Variants in ABTB2 observed in about 807,000 individuals in gnomAD.
ABTB2 encodes ankyrin repeat and BTB domain containing 2, also known as ankyrin repeat and BTB/POZ domain-containing protein 2.
Under a neutral mutation model 104.1 loss-of-function variants are expected in ABTB2, and 56 were observed. The ratio of observed to expected loss-of-function variants is 0.54; its 90% CI spans 0.43 to 0.67. The LOEUF (loss-of-function observed/expected upper bound fraction) is 0.67. Among genes scored for constraint, ABTB2 ranks in the 30% least tolerant of loss-of-function variants. The probability of loss-of-function intolerance (pLI) is 0.00; values close to 1 mark genes in which losing one functional copy is unlikely to be tolerated. For missense variants in ABTB2, 1,279 were observed against 1,407.7 expected (o/e 0.91, Z 1.46); for synonymous variants, 606 against 608.2 (o/e 1.00, Z 0.05).
intron 1 of ABTB2, among the ~76,000 whole-genome samples, chr11:34,292,724 G>A (rs555278935): frequency 6.6e-6 from 1 of 152,172 alleles, no homozygotes; most frequent in Non-Finnish European, 1.5e-5. Context: ...GGGGAGTGGA[G>A]CTCCCTCATA....
At chr11:34,199,350 C>T (rs1026244889) in intron 2 of ABTB2, among the ~76,000 whole-genome samples, 2 of 152,158 alleles carry the variant, frequency 1.3e-5, no homozygotes, top group Non-Finnish European at 2.9e-5. Context: ...CTCATCCATA[C>T]CGTTGGAGTT....
At chr11:34,172,395 A>AAAATAT (rs1554980662) in intron 4 of ABTB2, among the ~76,000 whole-genome samples, 14 of 29,046 alleles carry the variant, frequency 4.8e-4, no homozygotes, top group African/African-American at 9.8e-4. Flanking sequence ...AAAAAAAAAA[A>AAAATAT]ATATATATAT....
intron 3 of ABTB2, among the ~76,000 whole-genome samples, chr11:34,193,546 C>T (rs1269785199): frequency 6.6e-6 from 1 of 152,246 alleles, no homozygotes; most frequent in African/African-American, 2.4e-5. Context: ...CCTGGCCTCG[C>T]CACTTATCAG....
Position 34,170,998 on chromosome 11 carries a change from C to T in ABTB2, c.1471G>A (p.Gly491Ser), listed in dbSNP as rs1278994667. The T allele has an allele frequency of 6.2e-7, 1 of 1,614,146 alleles. No homozygotes were observed. Among genetic ancestry groups the T allele is most frequent in the Admixed American group, 1.7e-5 (1 of 60,022 alleles). Residue 491 changes from glycine (G) to serine (S), a missense_variant, in exon 5 of 17, where the codon GGT becomes AGT. By Grantham distance (56) the Gly-to-Ser change is moderately conservative. Transcript: ENST00000435224. Reference sequence around the variant, plus strand: ...CTCCCACAGTTGAGCATGCGGAAACCCAGGTCCTGGTTGAATTTTTCAGTA... The same window carrying T: ...CTCCCACAGTTGAGCATGCGGAAACTCAGGTCCTGGTTGAATTTTTCAGTA... The part of the protein sequence containing the change: ...AATEKFNQDL[G>S]FRMLNCGRTD...
At chr11:34,256,693 G>A (rs1422624116) in intron 1 of ABTB2, among the ~76,000 whole-genome samples, 3 of 152,172 alleles carry the variant, frequency 2.0e-5, no homozygotes, top group African/African-American at 7.2e-5. Context: ...AACACTCAAG[G>A]CAAAATCACC....
At chr11:34,169,690 G>T (rs1852843798) in intron 5 of ABTB2, among the ~76,000 whole-genome samples, 1 of 151,810 alleles carries the variant, frequency 6.6e-6, no homozygotes, top group African/African-American at 2.4e-5. Flanking sequence ...CCTGTCACCT[G>T]CCACTGCCCT....
intron 1 of ABTB2, among the ~76,000 whole-genome samples, chr11:34,334,592 G>A (rs762717773): frequency 6.6e-6 from 1 of 152,106 alleles, no homozygotes; most frequent in Non-Finnish European, 1.5e-5. Context: ...AAAAGCTAGA[G>A]CCTTGGCAAC....
chr11:34,156,565 C>T (rs551871510), intron 14 of ABTB2, among the ~76,000 whole-genome samples: 4 of 151,852 alleles, frequency 2.6e-5, no homozygotes, highest in African/African-American at 4.8e-5. Context: ...CTCTTGTCGC[C>T]CAGGCTGGAG....
intron 3 of ABTB2, among the ~76,000 whole-genome samples, chr11:34,196,685 TA>T (rs538535615): frequency 3.3e-5 from 5 of 152,364 alleles, no homozygotes; most frequent in Admixed American, 3.3e-4. Flanking sequence ...TGCTCCCAGC[TA>T]GGAAAGTGTT....
At chr11:34,318,773 G>A (rs774495088) in intron 1 of ABTB2, among the ~76,000 whole-genome samples, 12 of 152,194 alleles carry the variant, frequency 7.9e-5, no homozygotes, top group Non-Finnish European at 1.6e-4. Flanking sequence ...GTTGGGAGGT[G>A]ACCCATAATG....
intron 1 of ABTB2, among the ~76,000 whole-genome samples, chr11:34,312,379 A>G (rs1356794644): frequency 6.6e-6 from 1 of 152,156 alleles, no homozygotes; most frequent in Non-Finnish European, 1.5e-5. Context: ...AAATTGGGCG[A>G]GTTTTCTGCA....
chr11:34,193,897 C>CAAA (rs1853214818), intron 3 of ABTB2, among the ~76,000 whole-genome samples: 3 of 152,152 alleles, frequency 2.0e-5, no homozygotes, highest in Non-Finnish European at 2.9e-5. Flanking sequence ...TGCTTCTGCC[C>CAAA]CTCCCTCCTC....
chr11:34,153,415 C>T (rs1852576122), intron 16 of ABTB2, among the ~76,000 whole-genome samples: 1 of 152,130 alleles, frequency 6.6e-6, no homozygotes, highest in South Asian at 2.1e-4. Flanking sequence ...TGCTCTTGCC[C>T]AAGCTGGAGT....
chr11:34,310,516 C>A (rs1854838253), intron 1 of ABTB2, among the ~76,000 whole-genome samples: 1 of 152,152 alleles, frequency 6.6e-6, no homozygotes, highest in African/African-American at 2.4e-5. Context: ...CCTCCTCACA[C>A]ACCTATCCCT....
intron 1 of ABTB2, among the ~76,000 whole-genome samples, chr11:34,264,665 C>T (rs1196071736): frequency 6.6e-6 from 1 of 152,230 alleles, no homozygotes; most frequent in Non-Finnish European, 1.5e-5. Context: ...CTACAATGCT[C>T]TCCCTGTTCT....
At chr11:34,167,434 C>T (rs7120870) in intron 6 of ABTB2, 74 bp from the exon 7 acceptor site, 492,791 of 1,229,512 alleles carry the variant, frequency 0.4, 107,238 homozygotes, top group Non-Finnish European at 0.46. Context: ...GATGGTGAAC[C>T]AGAGTTAACA....
chr11:34,280,736 C>G (rs1408089328), intron 1 of ABTB2, among the ~76,000 whole-genome samples: 1 of 152,114 alleles, frequency 6.6e-6, no homozygotes, highest in Non-Finnish European at 1.5e-5. Flanking sequence ...AACCACCCTG[C>G]GAGGTAAGTA....
At position 34,160,366 on chromosome 11, in the gene ABTB2, G is replaced by A. The variant is rs777435239; in HGVS notation, c.2398-13C>T. The stretch of plus-strand genomic sequence containing the variant: ...TGACGGAGTCGTTCTGTGGGGAGAG[G>A]AGAGAGGGCCTGTGAGCTGCCCGCT... On this transcript the variant is annotated splice_polypyrimidine_tract_variant and intron_variant, in intron 11 of 16. Transcript: ENST00000435224. The A allele has an allele frequency of 6.2e-7, 1 of 1,603,586 alleles. No homozygotes were observed. The highest frequency in any genetic ancestry group is 2.2e-5 in the East Asian group (1 of 44,814).
At chr11:34,185,467 G>T (rs556182211) in intron 3 of ABTB2, among the ~76,000 whole-genome samples, 1 of 152,344 alleles carries the variant, frequency 6.6e-6, no homozygotes, top group Non-Finnish European at 1.5e-5. Context: ...ATGTGCTCAG[G>T]GCCTACTCTG....
Sources: allele counts gnomAD v4.1 joint callset (sites outside exome capture counted in the v4.1 genomes callset), GRCh38; gene constraint gnomAD v4.1.1; transcripts MANE v1.5; gene names NCBI Gene and HGNC (gene_info 2026-07-23, HGNC 2026-07-21).